Variants in KDM3B observed in about 807,000 individuals in gnomAD.
KDM3B encodes lysine-specific demethylase 3B.
Under a neutral mutation model 170.0 loss-of-function variants are expected in KDM3B, and 10 were observed. The ratio of observed to expected loss-of-function variants is 0.06; its 90% CI spans 0.04 to 0.10. The LOEUF is 0.10. Ranked by LOEUF, KDM3B falls within the 10% of genes least tolerant of loss-of-function variation. The pLI is 1.00. For synonymous variants in KDM3B, 831 were observed against 834.8 expected, an observed-to-expected ratio of 1.00 and a Z score of 0.08; for missense variants, 1,394 against 2,195.2, an observed-to-expected ratio of 0.64 and a Z score of 7.29.
chr5:138,401,049 G>A (rs1044507441), intron 11 of KDM3B, among the ~76,000 whole-genome samples: 3 of 152,172 alleles, frequency 2.0e-5, no homozygotes, highest in Admixed American at 1.3e-4. Flanking sequence ...AAGGCGGGCA[G>A]ATCACAAGGT....
intron 1 of KDM3B, among the ~76,000 whole-genome samples, chr5:138,353,229 A>T (rs998190786): frequency 6.6e-6 from 1 of 152,126 alleles, no homozygotes; most frequent in Non-Finnish European, 1.5e-5. Context: ...TGCTGCTTGC[A>T]GCCAGCAGGC....
rs543663765 is a variant in KDM3B, at chr5:138,386,001, T to G, written c.781-21T>G. 3.4e-5 allele frequency: 54 copies of G among 1,569,470 alleles called. No individual in the cohort carries two copies. The South Asian group carries it at 5.3e-4, about 15-fold the overall frequency. ...CAGGATGAAAGTTTCCTTGTAATCT[T>G]TTTTGAATTTTGTTTTGTAGGGGGG... On this transcript the variant is annotated intron_variant, in intron 6 of 23. Coordinates refer to ENST00000314358, the MANE Select transcript of KDM3B (RefSeq NM_016604.4).
intron 4 of KDM3B, among the ~76,000 whole-genome samples, chr5:138,379,210 A>G (rs1762069825): frequency 1.3e-5 from 2 of 152,282 alleles, no homozygotes; most frequent in East Asian, 1.9e-4. Flanking sequence ...TTTCATGTAC[A>G]TGTAGTTAGA....
At chr5:138,426,908 G>C in intron 17 of KDM3B, 67 bp from the exon 18 acceptor site, 1 of 1,027,854 alleles carries the variant, frequency 9.7e-7, no homozygotes, top group Non-Finnish European at 1.5e-6. Context: ...TCTCCCAAAA[G>C]TTACTGTTGA....
intron 2 of KDM3B, among the ~76,000 whole-genome samples, chr5:138,374,549 GC>G (rs1447215077): frequency 6.6e-6 from 1 of 152,104 alleles, no homozygotes; most frequent in African/African-American, 2.4e-5. Flanking sequence ...TAGCCACTGC[GC>G]CCGGCTTCTC....
chr5:138,392,711 AT>A (rs1762464234), intron 8 of KDM3B, among the ~76,000 whole-genome samples: 1 of 152,176 alleles, frequency 6.6e-6, no homozygotes, highest in African/African-American at 2.4e-5. Context: ...CTACATAAGG[AT>A]TTTAACAGCT....
intron 19 of KDM3B, 113 bp from the exon 20 acceptor site, chr5:138,427,854 C>T: frequency 1.1e-6 from 1 of 939,836 alleles, no homozygotes; most frequent in African/African-American, 1.6e-5. Flanking sequence ...AGACTTCACT[C>T]TCCTAATTTT....
In KDM3B at chr5:138,390,918, A is replaced by G. The variant is rs1360164884; in HGVS notation, c.1381-95A>G. The G allele has an allele frequency of 5.0e-6, 6 of 1,209,922 alleles. No homozygotes were observed. The African/African-American group carries it at 7.7e-5, about 15-fold the overall frequency. The allele number at this position is 1,209,922 out of a possible 1,614,324, so 74.9% of individuals were successfully genotyped here. On this transcript the variant is annotated intron_variant, in intron 7 of 23. Coordinates refer to ENST00000314358, the MANE Select transcript of KDM3B (RefSeq NM_016604.4). Reference sequence around the variant, plus strand: ...AAAGAGAAAAGTTGATGGACCCCCAAGAAATGTTGATCTGGTGATAGTGAG... The same window carrying G: ...AAAGAGAAAAGTTGATGGACCCCCAGGAAATGTTGATCTGGTGATAGTGAG...
At chr5:138,378,257 T>C (rs1217530551) in intron 4 of KDM3B, among the ~76,000 whole-genome samples, 2 of 152,212 alleles carry the variant, frequency 1.3e-5, no homozygotes, top group South Asian at 2.1e-4. Flanking sequence ...TATTGCCATG[T>C]ACTAGACAGT....
At chr5:138,384,872 C>T (rs901394031) in intron 6 of KDM3B, among the ~76,000 whole-genome samples, 3 of 147,610 alleles carry the variant, frequency 2.0e-5, no homozygotes, top group African/African-American at 2.5e-5. Context: ...CAAGATTGTG[C>T]CACTGCACTC....
chr5:138,415,215 C>T lies in KDM3B; in HGVS notation c.3283C>T (p.Pro1095Ser). The T allele has an allele frequency of 1.2e-6, 2 of 1,606,122 alleles. No homozygotes were observed. The highest frequency in any genetic ancestry group is 1.7e-6 in the Non-Finnish European group (2 of 1,174,338). The change falls in exon 12 of 24, where the codon CCC becomes TCC. Residue 1095 changes from proline (P) to serine (S), a missense_variant. Pro to Ser is a moderately conservative substitution (Grantham distance 74). Coordinates refer to ENST00000314358, the MANE Select transcript of KDM3B (RefSeq NM_016604.4). ...GQSHEPENLM[P>S]TQIIPGTALY... ...GTCCCACGAACCAGAGAATCTCATG[C>T]CCACACAAATTATTCCTGGCACAGG...
rs1368144498 is a variant in KDM3B at position 138,427,355 on chromosome 5, A to G, written c.4633+36A>G. 3 of 1,588,582 alleles carry G rather than the reference A, an allele frequency of 1.9e-6. No homozygotes were observed. The African/African-American group carries it at 4.0e-5, about 21-fold the overall frequency. ...GAGGCTAAAATTGCTCTTTTGGGGG[A>G]CTGTTGTTCTTATTTCAACTATAGA... On this transcript the variant is annotated intron_variant, in intron 19 of 23. Coordinates refer to ENST00000314358, the MANE Select transcript of KDM3B (RefSeq NM_016604.4).
chr5:138,384,711 C>G (rs1308773492), intron 6 of KDM3B, among the ~76,000 whole-genome samples: 1 of 148,564 alleles, frequency 6.7e-6, no homozygotes, highest in Non-Finnish European at 1.5e-5. Flanking sequence ...CGCACTCCAG[C>G]CTGCACGACA....
intron 1 of KDM3B, among the ~76,000 whole-genome samples, chr5:138,353,995 T>TA (rs1761393193): frequency 6.6e-6 from 1 of 152,272 alleles, no homozygotes; most frequent in Admixed American, 6.5e-5. Context: ...TTTTGGAATG[T>TA]AATAGATCAG....
At chr5:138,358,221 G>A (rs11740931) in intron 1 of KDM3B, among the ~76,000 whole-genome samples, 21,515 of 151,232 alleles carry the variant, frequency 0.14, 1,829 homozygotes, top group South Asian at 0.25. Context: ...GACCTTAGGT[G>A]ATCTGCCTGC....
At chr5:138,384,022 C>T (rs1201742466) in intron 6 of KDM3B, among the ~76,000 whole-genome samples, 2 of 150,546 alleles carry the variant, frequency 1.3e-5, no homozygotes, top group African/African-American at 2.4e-5. Context: ...TTTGGGAGGC[C>T]GAGGCGGCTG....
chr5:138,413,498 G>T (rs543634700), intron 11 of KDM3B, among the ~76,000 whole-genome samples: 1 of 152,064 alleles, frequency 6.6e-6, no homozygotes, highest in South Asian at 2.1e-4. Flanking sequence ...AAAGCAAGAA[G>T]GTCATTTCTT....
chr5:138,409,784 TAAC>T (rs1243269798), intron 11 of KDM3B, among the ~76,000 whole-genome samples: 2 of 151,588 alleles, frequency 1.3e-5, no homozygotes, highest in African/African-American at 4.9e-5. Context: ...AAAGAAAAAA[TAAC>T]AATAATGAAA....
chr5:138,363,239 A>G (rs1360605593), intron 1 of KDM3B, among the ~76,000 whole-genome samples: 1 of 152,106 alleles, frequency 6.6e-6, no homozygotes, highest in Non-Finnish European at 1.5e-5. Flanking sequence ...AAAAAAGTAG[A>G]ACATTTTGAA....
Sources: gnomAD v4.1 joint callset for allele counts (sites outside exome capture counted in the v4.1 genomes callset) on GRCh38, gnomAD v4.1.1 for gene constraint, MANE v1.5 for transcripts, NCBI Gene and HGNC (gene_info 2026-07-23, HGNC 2026-07-21) for gene names.